CDC14A: variants seen among roughly 807,000 people sequenced by gnomAD.
CDC14A encodes the protein dual specificity protein phosphatase CDC14A.
Under a neutral mutation model 74.4 loss-of-function variants are expected in CDC14A, and 53 were observed. The observed-to-expected ratio is 0.71, with a 90% CI of 0.57 to 0.89. CDC14A has a LOEUF of 0.89. Ranked by LOEUF, CDC14A falls within the 40% of genes least tolerant of loss-of-function variation. CDC14A has a pLI of 0.00. For synonymous variants in CDC14A, 247 were observed against 258.4 expected (o/e 0.96, Z 0.43); for missense variants, 646 against 713.7 (o/e 0.91, Z 1.08).
chr1:100,433,461 T>C (rs1312473205), intron 5 of CDC14A, among the ~76,000 whole-genome samples: 5 of 152,194 alleles, frequency 3.3e-5, no homozygotes, highest in African/African-American at 1.2e-4. Flanking sequence ...TTCCAACCCA[T>C]TGCTCTGCAA....
intron 3 of CDC14A, among the ~76,000 whole-genome samples, chr1:100,381,125 G>A (rs1040682150): frequency 2.6e-5 from 4 of 152,204 alleles, no homozygotes; most frequent in Admixed American, 2.6e-4. Context: ...TCAGTGCCTA[G>A]TGCAGGGACA....
intron 5 of CDC14A, among the ~76,000 whole-genome samples, chr1:100,428,707 T>A (rs1005672847): frequency 1.3e-5 from 2 of 152,186 alleles, no homozygotes; most frequent in Non-Finnish European, 2.9e-5. Context: ...TTGTTGGTGC[T>A]CACAAAACAG....
chr1:100,518,292 T>A lies in CDC14A; in HGVS notation c.*12T>A. On this transcript the variant is annotated 3_prime_UTR_variant, in exon 16 of 16. Coordinates refer to ENST00000336454, the MANE Select transcript of CDC14A (RefSeq NM_003672.4). ...ATGTTCATTACTAAGGCCTTGCCACTCCAGTGAAAGCTGTTCTTCTCTTAG... is the reference window on the plus strand; with the variant it reads ...ATGTTCATTACTAAGGCCTTGCCACACCAGTGAAAGCTGTTCTTCTCTTAG... 6.2e-7 allele frequency: 1 copy of A among 1,607,362 alleles called. No individual in the cohort carries two copies. The highest frequency in any genetic ancestry group is 8.5e-7 in the Non-Finnish European group (1 of 1,174,328).
chr1:100,514,876 AT>A (rs1343450172), intron 15 of CDC14A, among the ~76,000 whole-genome samples: 1 of 152,198 alleles, frequency 6.6e-6, no homozygotes, highest in Non-Finnish European at 1.5e-5. Flanking sequence ...TAGCAATAAT[AT>A]TGTTCATGGA....
At chr1:100,414,235 G>T (rs1339897157) in intron 4 of CDC14A, among the ~76,000 whole-genome samples, 1 of 152,162 alleles carries the variant, frequency 6.6e-6, no homozygotes, top group African/African-American at 2.4e-5. Flanking sequence ...GAAGGCCAAG[G>T]CGGTAGGATT....
At chr1:100,391,873 C>T (rs1351599114) in intron 4 of CDC14A, among the ~76,000 whole-genome samples, 1 of 152,238 alleles carries the variant, frequency 6.6e-6, no homozygotes, top group Non-Finnish European at 1.5e-5. Flanking sequence ...GTGCCCAGCC[C>T]TGCCCACCTT....
chr1:100,398,546 A>G lies in CDC14A; in HGVS notation c.309+7722A>G, dbSNP rs1242757703. ...AAATGAATTTGTGAGATCTGTAGTCAGGTATTCATTAGTTCAGTAAATCTT... is the reference window on the plus strand; with the variant it reads ...AAATGAATTTGTGAGATCTGTAGTCGGGTATTCATTAGTTCAGTAAATCTT... On this transcript the variant is annotated intron_variant, in intron 4 of 15. Transcript: ENST00000336454. Among the ~76,000 whole-genome samples, 6 of 152,198 alleles carry G rather than the reference A, an allele frequency of 3.9e-5. No homozygotes were observed. In the East Asian group the frequency reaches 1.2e-3, roughly 29 times the overall value.
At chr1:100,371,562 A>T (rs990677435) in intron 2 of CDC14A, among the ~76,000 whole-genome samples, 20 of 152,114 alleles carry the variant, frequency 1.3e-4, no homozygotes, top group Non-Finnish European at 4.4e-5. Context: ...ATCACATTTT[A>T]AAAAAATGTT....
chr1:100,394,102 C>A (rs563782908), intron 4 of CDC14A: 2 of 190,402 alleles, frequency 1.1e-5, no homozygotes, highest in East Asian at 1.7e-4. Flanking sequence ...TCTCTCTCTT[C>A]TTTCCTTACT....
chr1:100,485,314 A>G (rs771336003), intron 11 of CDC14A: 206 of 984,802 alleles, frequency 2.1e-4, no homozygotes, highest in Non-Finnish European at 2.3e-4. Flanking sequence ...TCTTTCTACC[A>G]CGTTATACCT....
chr1:100,452,481 A>T (rs564223689), intron 7 of CDC14A, among the ~76,000 whole-genome samples: 2 of 152,354 alleles, frequency 1.3e-5, no homozygotes, highest in African/African-American at 4.8e-5. Context: ...GTTGCACTCC[A>T]GCCTGGGCAA....
At chr1:100,382,390 A>ATTTTTTTTTTTTTTTTT (rs59014809) in intron 3 of CDC14A, among the ~76,000 whole-genome samples, 1 of 115,288 alleles carries the variant, frequency 8.7e-6, no homozygotes, top group Non-Finnish European at 1.8e-5. Context: ...CCAGCTAACT[A>ATTTTTTTTTTTTTTTTT]TTTTTTTTTT....
At chr1:100,359,349 A>G (rs1652366409) in intron 2 of CDC14A, among the ~76,000 whole-genome samples, 1 of 152,218 alleles carries the variant, frequency 6.6e-6, no homozygotes, top group Admixed American at 6.5e-5. Context: ...CTGAGCTGGT[A>G]AGGCAGAGCA....
intron 2 of CDC14A, among the ~76,000 whole-genome samples, chr1:100,356,824 C>T (rs907826399): frequency 7.1e-6 from 1 of 140,702 alleles, no homozygotes; most frequent in African/African-American, 2.7e-5. Flanking sequence ...TGCGCCACTG[C>T]ACTCTAGCCT....
At chr1:100,420,860 T>C (rs1425957869) in intron 4 of CDC14A, among the ~76,000 whole-genome samples, 1 of 152,132 alleles carries the variant, frequency 6.6e-6, no homozygotes, top group Non-Finnish European at 1.5e-5. Flanking sequence ...GTTGATAATA[T>C]ATATGTTAAG....
chr1:100,489,852 C>T (rs1217161804), intron 11 of CDC14A, among the ~76,000 whole-genome samples: 1 of 152,080 alleles, frequency 6.6e-6, no homozygotes, highest in Non-Finnish European at 1.5e-5. Context: ...CAGCAGATTC[C>T]AGGGAATCTG....
At chr1:100,499,588 T>C (rs2101445858) in intron 15 of CDC14A, 2 of 655,514 alleles carry the variant, frequency 3.1e-6, no homozygotes, top group Non-Finnish European at 4.8e-6. Context: ...TTTTCAGTTA[T>C]GTTTCCAATC....
intron 1 of CDC14A, among the ~76,000 whole-genome samples, chr1:100,353,238 A>T (rs1651370917): frequency 6.6e-6 from 1 of 152,094 alleles, no homozygotes; most frequent in African/African-American, 2.4e-5. Context: ...TCGTAATGGG[A>T]CAGCACCGGC....
rs755022179 is a variant in CDC14A, at chr1:100,353,838, G to A, written c.126G>A (p.Glu42=). The change falls in exon 2 of 16, where the codon GAG becomes GAA. Residue 42 remains glutamate (E), a synonymous_variant. Transcript: ENST00000336454. The part of the protein sequence containing the change: ...VNTHYFSIDE[E]LVYENFYADF... Reference sequence around the variant, plus strand: ...CCCACTATTTCTCCATCGATGAGGAGCTGGTCTATGAAAAGTAAGTTTATG... The same window carrying A: ...CCCACTATTTCTCCATCGATGAGGAACTGGTCTATGAAAAGTAAGTTTATG... The A allele has an allele frequency of 6.2e-7, 1 of 1,602,804 alleles. No homozygotes were observed. The highest frequency in any genetic ancestry group is 8.5e-7 in the Non-Finnish European group (1 of 1,171,864).
Sources: allele counts gnomAD v4.1 joint callset (sites outside exome capture counted in the v4.1 genomes callset), GRCh38; gene constraint gnomAD v4.1.1; transcripts MANE v1.5; gene names NCBI Gene and HGNC (gene_info 2026-07-23, HGNC 2026-07-21).